SLC35F1: variants seen among roughly 807,000 people sequenced by gnomAD.
The protein encoded by SLC35F1 is chromosome 6 open reading frame 169.
Under a neutral mutation model 48.7 loss-of-function variants are expected in SLC35F1, and 14 were observed. The observed-to-expected ratio is 0.29, with a 90% CI of 0.19 to 0.45. SLC35F1 has a LOEUF of 0.45. SLC35F1 is among the 20% of genes least tolerant of loss of function. SLC35F1 has a pLI of 1.00. For synonymous variants in SLC35F1, 190 were observed against 202.2 expected (o/e 0.94, Z 0.51); for missense variants, 404 against 500.0 (o/e 0.81, Z 1.83).
At chr6:118,249,909 G>A (rs981009196) in intron 3 of SLC35F1, among the ~76,000 whole-genome samples, 2 of 152,142 alleles carry the variant, frequency 1.3e-5, no homozygotes, top group African/African-American at 4.8e-5. Context: ...GCCAGAGAAC[G>A]ATGACAGGAA....
intron 1 of SLC35F1, chr6:117,998,838 T>G (rs1042004375): frequency 1.9e-6 from 1 of 538,222 alleles, no homozygotes; most frequent in African/African-American, 1.9e-5. Flanking sequence ...GATCCAAAAT[T>G]GACACCCTAA....
chr6:118,086,203 T>TC (rs1354402373), intron 1 of SLC35F1, among the ~76,000 whole-genome samples: 1 of 152,228 alleles, frequency 6.6e-6, no homozygotes, highest in Non-Finnish European at 1.5e-5. Flanking sequence ...ATTCACCCAT[T>TC]GGAGACTAGT....
intron 1 of SLC35F1, among the ~76,000 whole-genome samples, chr6:118,141,509 G>A (rs2114443732): frequency 6.6e-6 from 1 of 152,286 alleles, no homozygotes; most frequent in Middle Eastern, 3.4e-3. Flanking sequence ...ATTTCTTACA[G>A]TTCTAGTGGA....
At chr6:117,929,190 A>G (rs1185708397) in intron 1 of SLC35F1, among the ~76,000 whole-genome samples, 1 of 152,064 alleles carries the variant, frequency 6.6e-6, no homozygotes, top group Non-Finnish European at 1.5e-5. Context: ...TCCCTGCTAT[A>G]TAAACCCCTA....
At chr6:118,150,007 A>G (rs531173892) in intron 1 of SLC35F1, among the ~76,000 whole-genome samples, 3 of 152,324 alleles carry the variant, frequency 2.0e-5, no homozygotes, top group South Asian at 2.1e-4. Context: ...GTAGTATAGC[A>G]TAATAATTAA....
chr6:117,930,986 T>C (rs1321019209), intron 1 of SLC35F1, among the ~76,000 whole-genome samples: 3 of 152,198 alleles, frequency 2.0e-5, no homozygotes, highest in Non-Finnish European at 4.4e-5. Flanking sequence ...TTTACCCTTT[T>C]AGCCTCTATA....
chr6:118,225,436 A>C (rs1030883446), intron 2 of SLC35F1, among the ~76,000 whole-genome samples: 1 of 152,226 alleles, frequency 6.6e-6, no homozygotes, highest in Non-Finnish European at 1.5e-5. Flanking sequence ...CTGGTTAACC[A>C]TATGCAGAAG....
chr6:118,030,390 C>T lies in SLC35F1; in HGVS notation c.173+122491C>T, dbSNP rs144793149. The stretch of plus-strand genomic sequence containing the variant: ...CATTATCATCTGTTGTTGCTCCTTC[C>T]CACTACTTTGGCCAATCACTCATAG... On this transcript the variant is annotated intron_variant, in intron 1 of 7. Coordinates refer to ENST00000360388, the MANE Select transcript of SLC35F1 (RefSeq NM_001029858.4). Among the ~76,000 whole-genome samples, 194 of 152,282 alleles carry T rather than the reference C, an allele frequency of 1.3e-3. 1 individual carries two copies. The highest frequency in any genetic ancestry group is 4.6e-3 in the African/African-American group (193 of 41,550).
chr6:117,935,021 C>T (rs559781946), intron 1 of SLC35F1, among the ~76,000 whole-genome samples: 10 of 152,176 alleles, frequency 6.6e-5, no homozygotes, highest in African/African-American at 2.2e-4. Flanking sequence ...GCAGGAGAAT[C>T]GTTTGAACCT....
intron 3 of SLC35F1, among the ~76,000 whole-genome samples, chr6:118,246,727 C>G (rs1775512047): frequency 6.6e-6 from 1 of 152,148 alleles, no homozygotes; most frequent in Non-Finnish European, 1.5e-5. Context: ...AATAAAAATC[C>G]TTTCCCCTGG....
chr6:118,061,490 A>G (rs1314021752), intron 1 of SLC35F1, among the ~76,000 whole-genome samples: 1 of 152,120 alleles, frequency 6.6e-6, no homozygotes, highest in Non-Finnish European at 1.5e-5. Context: ...TTATAAAACT[A>G]GATATATGAT....
chr6:118,119,393 A>G (rs1562295598), intron 1 of SLC35F1, among the ~76,000 whole-genome samples: 1 of 151,902 alleles, frequency 6.6e-6, no homozygotes. Flanking sequence ...TGATGCACCC[A>G]TGGGGATTAC....
chr6:117,988,954 C>T (rs1269620468), intron 1 of SLC35F1, among the ~76,000 whole-genome samples: 1 of 152,150 alleles, frequency 6.6e-6, no homozygotes, highest in Admixed American at 6.5e-5. Flanking sequence ...GTATATTAAT[C>T]AGAAAAACAG....
At chr6:118,176,558 G>A (rs1582713025) in intron 2 of SLC35F1, among the ~76,000 whole-genome samples, 1 of 151,844 alleles carries the variant, frequency 6.6e-6, no homozygotes, top group Admixed American at 6.6e-5. Context: ...ATAGAGATTT[G>A]GGAATATATC....
intron 1 of SLC35F1, among the ~76,000 whole-genome samples, chr6:118,068,655 C>T (rs1311800476): frequency 6.6e-6 from 1 of 151,992 alleles, no homozygotes; most frequent in African/African-American, 2.4e-5. Flanking sequence ...TTTCATTATC[C>T]CCCCTTAAGA....
At chr6:118,010,689 G>A (rs1448009763) in intron 1 of SLC35F1, among the ~76,000 whole-genome samples, 1 of 152,028 alleles carries the variant, frequency 6.6e-6, no homozygotes, top group Non-Finnish European at 1.5e-5. Flanking sequence ...ATTGTTTTGG[G>A]GGTTTTATTT....
At chr6:118,126,072 T>C (rs1773619796) in intron 1 of SLC35F1, among the ~76,000 whole-genome samples, 1 of 152,088 alleles carries the variant, frequency 6.6e-6, no homozygotes, top group South Asian at 2.1e-4. Flanking sequence ...CATTCAGAGA[T>C]TTACCTTGAG....
intron 1 of SLC35F1, among the ~76,000 whole-genome samples, chr6:117,962,450 A>C (rs1044685088): frequency 6.6e-6 from 1 of 152,174 alleles, no homozygotes; most frequent in Non-Finnish European, 1.5e-5. Context: ...CTTGCTTTTT[A>C]AAAATGCAAG....
At chr6:118,294,322 A>G (rs1776158305) in intron 7 of SLC35F1, among the ~76,000 whole-genome samples, 1 of 152,220 alleles carries the variant, frequency 6.6e-6, no homozygotes, top group Non-Finnish European at 1.5e-5. Context: ...ATTGCTTACC[A>G]TAGAATTTTT....
Sources: gnomAD v4.1 joint callset for allele counts (sites outside exome capture counted in the v4.1 genomes callset) on GRCh38, gnomAD v4.1.1 for gene constraint, MANE v1.5 for transcripts, NCBI Gene and HGNC (gene_info 2026-07-23, HGNC 2026-07-21) for gene names.